Variants in CBFA2T3 observed in about 807,000 individuals in gnomAD.
CBFA2T3 encodes the protein transcriptional corepressor CBFA2T3.
Under a neutral mutation model 58.6 loss-of-function variants are expected in CBFA2T3, and 31 were observed. That is an observed-to-expected ratio of 0.53 (90% confidence interval 0.40 to 0.71). The LOEUF is 0.71. Ranked by LOEUF, CBFA2T3 falls within the 30% of genes least tolerant of loss-of-function variation. CBFA2T3 has a pLI of 0.00. For synonymous variants in CBFA2T3, 531 were observed against 421.9 expected (o/e 1.26, Z -3.17); for missense variants, 1,076 against 963.1 (o/e 1.12, Z -1.55).
chr16:88,968,134 C>T (rs1046294442), intron 1 of CBFA2T3, among the ~76,000 whole-genome samples: 1 of 152,210 alleles, frequency 6.6e-6, no homozygotes, highest in Non-Finnish European at 1.5e-5. Context: ...TGCTGGGGCC[C>T]ACCTGGAGGA....
chr16:88,962,481 A>T (rs1253588677), intron 1 of CBFA2T3, among the ~76,000 whole-genome samples: 4 of 152,214 alleles, frequency 2.6e-5, no homozygotes, highest in Non-Finnish European at 5.9e-5. Context: ...CTCTGTGCTC[A>T]GCAGGAAAAG....
At chr16:88,880,988 C>T in intron 9 of CBFA2T3, 200 bp from the exon 10 acceptor site, 1 of 674,044 alleles carries the variant, frequency 1.5e-6, no homozygotes, top group Non-Finnish European at 2.7e-6. Flanking sequence ...AGCTGTGGAC[C>T]TTGGACTCGG....
chr16:88,954,988 G>A (rs1182446194), intron 1 of CBFA2T3, among the ~76,000 whole-genome samples: 110 of 13,996 alleles, frequency 7.9e-3, no homozygotes, highest in Admixed American at 0.027. Context: ...TCCTGACCCC[G>A]CCCAAGGCTC....
intron 1 of CBFA2T3, among the ~76,000 whole-genome samples, chr16:88,954,340 CCAGCCAAGGCTCCTGACCT>C (rs1972153377): frequency 6.7e-5 from 9 of 134,082 alleles, no homozygotes; most frequent in African/African-American, 1.2e-4. Context: ...GCTCCTGACC[CCAGCCAAGGCTCCTGACCT>C]CACCCAAGGC....
At chr16:88,905,744 A>G (rs985560946) in intron 1 of CBFA2T3, among the ~76,000 whole-genome samples, 2 of 6,072 alleles carry the variant, frequency 3.3e-4, no homozygotes, top group African/African-American at 6.4e-4. Flanking sequence ...GCGGGACTGG[A>G]GGGGCGGGGC....
At chr16:88,970,978 C>T (rs115329826) in intron 1 of CBFA2T3, among the ~76,000 whole-genome samples, 3,938 of 152,134 alleles carry the variant, frequency 0.026, 155 homozygotes, top group African/African-American at 0.09. Context: ...CAGGCACGGG[C>T]TCGGGAGGCT....
chr16:88,976,218 G>T (rs1468147832), intron 1 of CBFA2T3, among the ~76,000 whole-genome samples: 1 of 152,196 alleles, frequency 6.6e-6, no homozygotes, highest in African/African-American at 2.4e-5. Flanking sequence ...GGGGTCTTGG[G>T]CCAGTGCCCT....
chr16:88,900,670 T>TC (rs576314115), intron 2 of CBFA2T3, among the ~76,000 whole-genome samples: 400 of 151,524 alleles, frequency 2.6e-3, no homozygotes, highest in African/African-American at 8.9e-3. Context: ...ACATGGAGTC[T>TC]CCCCCCTGCA....
intron 7 of CBFA2T3, among the ~76,000 whole-genome samples, chr16:88,883,100 T>G (rs549206594): frequency 3.0e-4 from 45 of 152,166 alleles, no homozygotes; most frequent in African/African-American, 1.1e-3. Flanking sequence ...GGGGGTGGGG[T>G]GTGGACCGAG....
intron 1 of CBFA2T3, among the ~76,000 whole-genome samples, chr16:88,954,447 C>T (rs542923909): frequency 1.9e-4 from 27 of 140,004 alleles, no homozygotes; most frequent in Non-Finnish European, 2.9e-4. Context: ...ATCCAAGGCT[C>T]CTGACCCCAG....
chr16:88,965,544 C>T (rs574707668), intron 1 of CBFA2T3, among the ~76,000 whole-genome samples: 10 of 152,194 alleles, frequency 6.6e-5, no homozygotes, highest in African/African-American at 1.4e-4. Flanking sequence ...TAGGTCCCTG[C>T]GGGGCAGAGA....
At chr16:88,900,786 C>A (rs948293242) in intron 2 of CBFA2T3, among the ~76,000 whole-genome samples, 14 of 152,374 alleles carry the variant, frequency 9.2e-5, no homozygotes, top group African/African-American at 3.4e-4. Context: ...TCCTCAAAGC[C>A]AAGGCTCTGC....
intron 2 of CBFA2T3, among the ~76,000 whole-genome samples, chr16:88,899,931 G>C (rs1278261775): frequency 1.3e-5 from 2 of 152,318 alleles, no homozygotes; most frequent in African/African-American, 4.8e-5. Context: ...CTGGTAGAGA[G>C]ACGGCCCGTG....
intron 1 of CBFA2T3, among the ~76,000 whole-genome samples, chr16:88,936,101 G>C (rs1971490099): frequency 1.3e-5 from 2 of 152,190 alleles, no homozygotes; most frequent in Admixed American, 1.3e-4. Flanking sequence ...TCCCCTGCTG[G>C]CTTGATGGCA....
In CBFA2T3 at chr16:88,885,075, CG is replaced by C; in HGVS notation, c.1087del (p.Arg363GlyfsTer20). 3 of 1,601,456 alleles carry C rather than the reference CG, an allele frequency of 1.9e-6. No homozygotes were observed. The highest frequency in any genetic ancestry group is 8.5e-7 in the Non-Finnish European group (1 of 1,177,604). On this transcript the variant is annotated frameshift_variant, in exon 7 of 12. Transcript: ENST00000268679. LOFTEE classifies it high-confidence loss of function. This position sits in a 1 kb window ranked among gnomAD's most constrained non-coding sequence, Gnocchi z 5.3. Reference sequence around the variant, plus strand: ...CGGCCGATGGCGCTCTCGTAGCTCCCGGGGGTCTGGGTGGCGGTAGGCATCT... The same window carrying C: ...CGGCCGATGGCGCTCTCGTAGCTCCCGGGGTCTGGGTGGCGGTAGGCATCT... ...FRDAYRHPDP[R>X]ELRERHRPLV...
At chr16:88,931,645 G>A (rs1022284864) in intron 1 of CBFA2T3, among the ~76,000 whole-genome samples, 2 of 150,640 alleles carry the variant, frequency 1.3e-5, no homozygotes, top group African/African-American at 2.5e-5. Flanking sequence ...AGGTGGAGAA[G>A]GGCCGTGGGC....
At chr16:88,929,410 T>C (rs1273377796) in intron 1 of CBFA2T3, among the ~76,000 whole-genome samples, 1 of 152,230 alleles carries the variant, frequency 6.6e-6, no homozygotes, top group Non-Finnish European at 1.5e-5. Flanking sequence ...CAGTGGCTTT[T>C]CTTGATAATT....
intron 1 of CBFA2T3, among the ~76,000 whole-genome samples, chr16:88,951,823 G>A (rs569386082): frequency 2.6e-5 from 4 of 152,238 alleles, no homozygotes; most frequent in Non-Finnish European, 4.4e-5. Context: ...CTGGACAGCC[G>A]CTGGGAAGAG....
chr16:88,923,083 ACC>A (rs1460722716), intron 1 of CBFA2T3, among the ~76,000 whole-genome samples: 1 of 151,786 alleles, frequency 6.6e-6, no homozygotes, highest in African/African-American at 2.4e-5. Flanking sequence ...CCCTCCAAAT[ACC>A]CCACGTCTCC....
Sources: allele counts gnomAD v4.1 joint callset (sites outside exome capture counted in the v4.1 genomes callset), GRCh38; gene constraint gnomAD v4.1.1; non-coding constraint Gnocchi (gnomAD v3.1); transcripts MANE v1.5; gene names NCBI Gene and HGNC (gene_info 2026-07-23, HGNC 2026-07-21).